RAP1GDS1: variants seen among roughly 807,000 people sequenced by gnomAD.
The protein encoded by RAP1GDS1 is Rap1 GTPase-GDP dissociation stimulator 1, also known as RAP1, GTP-GDP dissociation stimulator 1.
RAP1GDS1 carries 35 observed loss-of-function variants against 71.1 expected under a neutral mutation model. The ratio of observed to expected loss-of-function variants is 0.49; its 90% CI spans 0.38 to 0.65. The LOEUF (loss-of-function observed/expected upper bound fraction) is 0.65. Ranked by LOEUF, RAP1GDS1 falls within the 30% of genes least tolerant of loss-of-function variation. The pLI is 0.00. For missense variants in RAP1GDS1, 663 were observed against 706.1 expected (o/e 0.94, Z 0.69); for synonymous variants, 229 against 243.1 (o/e 0.94, Z 0.54).
intron 12 of RAP1GDS1, among the ~76,000 whole-genome samples, chr4:98,428,132 C>T (rs1749877155): frequency 6.6e-6 from 1 of 152,120 alleles, no homozygotes. Context: ...ACAAATGGTG[C>T]TGTGATTATT....
At chr4:98,393,302 TACTC>T (rs1281871687) in intron 6 of RAP1GDS1, among the ~76,000 whole-genome samples, 1 of 152,240 alleles carries the variant, frequency 6.6e-6, no homozygotes, top group African/African-American at 2.4e-5. Context: ...AAGTCATTCT[TACTC>T]AATGGGTCAT....
At chr4:98,394,597 C>T (rs1744241219) in intron 6 of RAP1GDS1, among the ~76,000 whole-genome samples, 1 of 152,074 alleles carries the variant, frequency 6.6e-6, no homozygotes, top group South Asian at 2.1e-4. Flanking sequence ...GTTAACCCAA[C>T]CCTGTGATTT....
chr4:98,392,504 C>T (rs969731323), intron 6 of RAP1GDS1, among the ~76,000 whole-genome samples: 1 of 152,146 alleles, frequency 6.6e-6, no homozygotes, highest in Non-Finnish European at 1.5e-5. Flanking sequence ...TGCTTGAGCT[C>T]AGGAATTCGA....
intron 1 of RAP1GDS1, among the ~76,000 whole-genome samples, chr4:98,265,929 GGT>G: frequency 2.6e-5 from 4 of 152,008 alleles, no homozygotes; most frequent in African/African-American, 9.7e-5. Flanking sequence ...TAGATATGGA[GGT>G]CAGTTGTAAA....
At chr4:98,343,926 CTA>C (rs1735873422) in intron 3 of RAP1GDS1, among the ~76,000 whole-genome samples, 1 of 152,146 alleles carries the variant, frequency 6.6e-6, no homozygotes, top group Non-Finnish European at 1.5e-5. Context: ...GAAGGCCGTA[CTA>C]TATATAATAC....
At chr4:98,318,906 G>C (rs1731341562) in intron 2 of RAP1GDS1, among the ~76,000 whole-genome samples, 1 of 152,026 alleles carries the variant, frequency 6.6e-6, no homozygotes, top group African/African-American at 2.4e-5. Flanking sequence ...GACCACAGTT[G>C]ACTGTGAAAA....
At chr4:98,337,938 T>C (rs1237460132) in intron 2 of RAP1GDS1, among the ~76,000 whole-genome samples, 1 of 152,150 alleles carries the variant, frequency 6.6e-6, no homozygotes, top group African/African-American at 2.4e-5. Flanking sequence ...GCTTAAAAAT[T>C]TAAAGGAATG....
intron 12 of RAP1GDS1, among the ~76,000 whole-genome samples, chr4:98,422,869 A>G (rs1749086897): frequency 2.0e-5 from 3 of 152,164 alleles, no homozygotes; most frequent in East Asian, 3.9e-4. Context: ...AAGCTCATAC[A>G]TTTTTCCTGA....
At chr4:98,277,309 A>T (rs1482472809) in intron 1 of RAP1GDS1, among the ~76,000 whole-genome samples, 1 of 152,180 alleles carries the variant, frequency 6.6e-6, no homozygotes, top group Non-Finnish European at 1.5e-5. Context: ...CTATGACCAG[A>T]TTAACATTTT....
Position 98,399,715 on chromosome 4 carries a change from C to T in RAP1GDS1, c.638-4762C>T, listed in dbSNP as rs187794734. On this transcript the variant is annotated intron_variant, in intron 6 of 14. Transcript: ENST00000408927. ...CACTAATCTTCAGGGAAATGCAAAT[C>T]GAAACCACAATGACATATTATCTCA... Among the ~76,000 whole-genome samples the T allele has an allele frequency of 2.6e-5, 4 of 152,102 alleles. No individual in the cohort carries two copies. The East Asian group carries it at 5.8e-4, about 22-fold the overall frequency.
chr4:98,422,163 G>A (rs1385538228), intron 12 of RAP1GDS1, among the ~76,000 whole-genome samples: 4 of 151,984 alleles, frequency 2.6e-5, no homozygotes, highest in Non-Finnish European at 5.9e-5. Flanking sequence ...TTGCACCACT[G>A]CACTCCAGCC....
At chr4:98,318,072 A>T (rs1043191877) in intron 2 of RAP1GDS1, among the ~76,000 whole-genome samples, 1 of 152,106 alleles carries the variant, frequency 6.6e-6, no homozygotes, top group Middle Eastern at 3.4e-3. Flanking sequence ...TGAACTCCTG[A>T]TCTCAAGTGA....
chr4:98,357,975 A>T (rs963862922), intron 4 of RAP1GDS1, among the ~76,000 whole-genome samples: 21 of 152,136 alleles, frequency 1.4e-4, no homozygotes, highest in African/African-American at 5.1e-4. Flanking sequence ...AAGATATAAA[A>T]GCCAGAAGCC....
intron 4 of RAP1GDS1, among the ~76,000 whole-genome samples, chr4:98,360,858 G>T (rs1054385497): frequency 1.3e-5 from 2 of 152,018 alleles, no homozygotes; most frequent in African/African-American, 4.8e-5. Context: ...GATCACTTGA[G>T]GTCAGGAGTT....
At chr4:98,395,216 A>G (rs1301169849) in intron 6 of RAP1GDS1, among the ~76,000 whole-genome samples, 1 of 152,144 alleles carries the variant, frequency 6.6e-6, no homozygotes, top group Non-Finnish European at 1.5e-5. Flanking sequence ...TAGTATCTAT[A>G]GTTATTTTTA....
At chr4:98,408,582 C>T (rs1746518200) in intron 7 of RAP1GDS1, among the ~76,000 whole-genome samples, 1 of 152,062 alleles carries the variant, frequency 6.6e-6, no homozygotes, top group East Asian at 1.9e-4. Flanking sequence ...CAAATCCCAA[C>T]AAAGACAATA....
intron 12 of RAP1GDS1, among the ~76,000 whole-genome samples, chr4:98,429,976 A>G (rs1273549625): frequency 6.6e-6 from 1 of 152,110 alleles, no homozygotes; most frequent in African/African-American, 2.4e-5. Context: ...AGCTTCTTAG[A>G]AACATCTGAA....
At chr4:98,272,854 ATTG>A (rs984310457) in intron 1 of RAP1GDS1, among the ~76,000 whole-genome samples, 2 of 152,136 alleles carry the variant, frequency 1.3e-5, no homozygotes, top group Admixed American at 6.6e-5. Context: ...GAAATGGTTC[ATTG>A]TTGTTGCGTA....
intron 2 of RAP1GDS1, among the ~76,000 whole-genome samples, chr4:98,333,857 AAACT>A (rs1386245892): frequency 6.6e-6 from 1 of 152,118 alleles, no homozygotes; most frequent in African/African-American, 2.4e-5. Context: ...TGTTTTTATT[AAACT>A]AAACAGTGTT....
Sources: allele counts gnomAD v4.1 joint callset (sites outside exome capture counted in the v4.1 genomes callset), GRCh38; gene constraint gnomAD v4.1.1; transcripts MANE v1.5; gene names NCBI Gene and HGNC (gene_info 2026-07-23, HGNC 2026-07-21).